The following FOXP2 variants were observed in gnomAD, a reference collection of about 807,000 sequenced individuals.
FOXP2 encodes forkhead box protein P2.
In FOXP2, 12 loss-of-function variants were observed where a neutral mutation model predicts 115.8. The observed-to-expected ratio is 0.10, with a 90% CI of 0.07 to 0.17. The LOEUF is 0.17. Ranked by LOEUF, FOXP2 falls within the 10% of genes least tolerant of loss-of-function variation. FOXP2 has a pLI of 1.00. For synonymous variants in FOXP2, 328 were observed against 297.7 expected, an observed-to-expected ratio of 1.10 and a Z score of -1.05; for missense variants, 629 against 843.5, an observed-to-expected ratio of 0.75 and a Z score of 3.15.
At chr7:114,539,228 T>C (rs1799537366) in intron 3 of FOXP2, among the ~76,000 whole-genome samples, 1 of 151,750 alleles carries the variant, frequency 6.6e-6, no homozygotes, top group Non-Finnish European at 1.5e-5. Flanking sequence ...TGGAGGAAAA[T>C]ACTAACTTAT....
intron 2 of FOXP2, among the ~76,000 whole-genome samples, chr7:114,329,637 A>G (rs970591398): frequency 1.3e-5 from 2 of 150,458 alleles, no homozygotes; most frequent in African/African-American, 2.4e-5. Context: ...ATTTTTCACT[A>G]TGTAAGTTTT....
chr7:114,314,258 T>C (rs1474038230), intron 2 of FOXP2, among the ~76,000 whole-genome samples: 1 of 149,152 alleles, frequency 6.7e-6, no homozygotes, highest in Non-Finnish European at 1.5e-5. Flanking sequence ...TTTATTGTTA[T>C]GTTTTATATA....
intron 1 of FOXP2, among the ~76,000 whole-genome samples, chr7:114,146,288 ATAATG>A (rs2129148033): frequency 6.6e-6 from 1 of 152,328 alleles, no homozygotes; most frequent in South Asian, 2.1e-4. Flanking sequence ...TAGCGTTCCA[ATAATG>A]GAACACTAGG....
chr7:114,294,134 T>C (rs1278588086), intron 2 of FOXP2, among the ~76,000 whole-genome samples: 1 of 152,214 alleles, frequency 6.6e-6, no homozygotes, highest in African/African-American at 2.4e-5. Context: ...GTGAAATGTT[T>C]AGATTCACCT....
chr7:114,656,371 C>A, intron 10 of FOXP2: 1 of 194,078 alleles, frequency 5.2e-6, no homozygotes, highest in South Asian at 6.2e-5. Context: ...TTTTAACATA[C>A]AAGTATGTAA....
chr7:114,500,505 A>G (rs1329395120), intron 2 of FOXP2, among the ~76,000 whole-genome samples: 3 of 152,232 alleles, frequency 2.0e-5, no homozygotes, highest in African/African-American at 4.8e-5. Context: ...TGTATTCTTC[A>G]TTTATATTTT....
chr7:114,683,801 T>C (rs532576856), intron 16 of FOXP2, among the ~76,000 whole-genome samples: 3 of 152,288 alleles, frequency 2.0e-5, no homozygotes, highest in Admixed American at 1.3e-4. Flanking sequence ...GATGATGTTT[T>C]GAGTCTGAAA....
intron 3 of FOXP2, among the ~76,000 whole-genome samples, chr7:114,615,779 C>G (rs1803916411): frequency 6.6e-6 from 1 of 152,192 alleles, no homozygotes; most frequent in African/African-American, 2.4e-5. Flanking sequence ...AGCTTCATCT[C>G]CACCTAATTC....
At chr7:114,329,643 GTTTTATTTATTTATTTAT>G (rs1248441425) in intron 2 of FOXP2, among the ~76,000 whole-genome samples, 1 of 145,238 alleles carries the variant, frequency 6.9e-6, no homozygotes, top group Non-Finnish European at 1.5e-5. Context: ...CACTATGTAA[GTTTTATTTATTTATTTAT>G]TTATTTATTT....
rs1358830531 is a variant in FOXP2, at chr7:114,294,894, ACATG to A, written c.-11+6797_-11+6800del. On this transcript the variant is annotated intron_variant, in intron 2 of 17. Coordinates refer to the FOXP2 transcript ENST00000634411. Reference sequence around the variant, plus strand: ...TACATACATACATACATACATACATACATGCATGCATGCATATATACATACATAC... The same window carrying A: ...TACATACATACATACATACATACATACATGCATGCATATATACATACATAC... Among the ~76,000 whole-genome samples, 8 of 151,380 alleles carry A rather than the reference ACATG, an allele frequency of 5.3e-5. No individual in the cohort carries two copies. The South Asian group carries it at 6.2e-4, about 12-fold the overall frequency.
At chr7:114,651,604 C>T (rs1324137347) in intron 8 of FOXP2, among the ~76,000 whole-genome samples, 1 of 152,036 alleles carries the variant, frequency 6.6e-6, no homozygotes, top group Non-Finnish European at 1.5e-5. Context: ...GGACAAATGT[C>T]TCCTAGTTAG....
At chr7:114,113,865 G>T (rs910582160) in intron 1 of FOXP2, among the ~76,000 whole-genome samples, 1 of 151,744 alleles carries the variant, frequency 6.6e-6, no homozygotes, top group Non-Finnish European at 1.5e-5. Context: ...TTATTTTTGG[G>T]GTAAATAATT....
At chr7:114,445,843 A>G (rs1435253919) in intron 2 of FOXP2, among the ~76,000 whole-genome samples, 1 of 152,008 alleles carries the variant, frequency 6.6e-6, no homozygotes, top group East Asian at 1.9e-4. Context: ...AACACATCTG[A>G]TTTAATTAAG....
chr7:114,489,896 A>C (rs1796957142), intron 2 of FOXP2, among the ~76,000 whole-genome samples: 1 of 152,172 alleles, frequency 6.6e-6, no homozygotes. Flanking sequence ...TGTATCTACT[A>C]TCAGAATGGC....
At chr7:114,495,465 T>A (rs1332471774) in intron 2 of FOXP2, among the ~76,000 whole-genome samples, 1 of 150,278 alleles carries the variant, frequency 6.7e-6, no homozygotes, top group African/African-American at 2.4e-5. Flanking sequence ...TTTTTCTTTG[T>A]TTTTTCTTTC....
chr7:114,511,478 A>G (rs1178957968), intron 2 of FOXP2, among the ~76,000 whole-genome samples: 1 of 152,228 alleles, frequency 6.6e-6, no homozygotes, highest in Non-Finnish European at 1.5e-5. Flanking sequence ...AAGCTTTTGC[A>G]TCAGTGAGTG....
chr7:114,179,090 A>T (rs1793390146), intron 1 of FOXP2, among the ~76,000 whole-genome samples: 1 of 151,966 alleles, frequency 6.6e-6, no homozygotes, highest in Admixed American at 6.6e-5. Context: ...TTAACTATTT[A>T]TAAGAAGGCT....
intron 2 of FOXP2, among the ~76,000 whole-genome samples, chr7:114,392,214 A>G (rs1471504117): frequency 6.6e-5 from 10 of 151,884 alleles, no homozygotes; most frequent in Admixed American, 6.6e-4. Context: ...GAAAATCAAA[A>G]CCAGTGTTGA....
At chr7:114,248,461 T>A (rs1264462401) in intron 1 of FOXP2, among the ~76,000 whole-genome samples, 1 of 152,100 alleles carries the variant, frequency 6.6e-6, no homozygotes, top group Non-Finnish European at 1.5e-5. Context: ...GAAAAACAAT[T>A]TAAAATGGAA....
Sources: gnomAD v4.1 joint callset for allele counts (sites outside exome capture counted in the v4.1 genomes callset) on GRCh38, gnomAD v4.1.1 for gene constraint, MANE v1.5 for transcripts, NCBI Gene and HGNC (gene_info 2026-07-23, HGNC 2026-07-21) for gene names.